EPHA6: variants seen among roughly 807,000 people sequenced by gnomAD.
EPHA6 encodes ephrin type-A receptor 6.
A neutral mutation model predicts 112.0 loss-of-function variants in EPHA6; 50 were observed. That is an observed-to-expected ratio of 0.45 (90% CI 0.36 to 0.56). EPHA6 has a LOEUF of 0.56. Ranked by LOEUF, EPHA6 falls within the 20% of genes least tolerant of loss-of-function variation. The pLI is 0.00. For missense variants in EPHA6, 1,280 were observed against 1,417.4 expected (o/e 0.90, Z 1.56); for synonymous variants, 529 against 490.7 (o/e 1.08, Z -1.03).
At chr3:97,111,474 C>T (rs1005736961) in intron 3 of EPHA6, among the ~76,000 whole-genome samples, 4 of 151,888 alleles carry the variant, frequency 2.6e-5, no homozygotes, top group Non-Finnish European at 5.9e-5. Flanking sequence ...ATATCTAATG[C>T]ATATTTTCAT....
At chr3:97,122,604 A>G (rs1035427324) in intron 3 of EPHA6, among the ~76,000 whole-genome samples, 7 of 152,082 alleles carry the variant, frequency 4.6e-5, no homozygotes, top group Admixed American at 6.6e-5. Flanking sequence ...GATTCATTCC[A>G]AGCTTGTACG....
At chr3:97,624,496 G>C (rs956525277) in intron 13 of EPHA6, among the ~76,000 whole-genome samples, 1 of 151,606 alleles carries the variant, frequency 6.6e-6, no homozygotes, top group African/African-American at 2.4e-5. Flanking sequence ...AAGGGATATT[G>C]GTCTATAGTA....
At chr3:97,518,248 T>C (rs754717306) in intron 10 of EPHA6, among the ~76,000 whole-genome samples, 2 of 152,150 alleles carry the variant, frequency 1.3e-5, no homozygotes, top group Non-Finnish European at 2.9e-5. Flanking sequence ...CTCATGAACA[T>C]TTGTTATCTT....
chr3:97,141,720 A>G (rs1279492388), intron 3 of EPHA6, among the ~76,000 whole-genome samples: 1 of 151,654 alleles, frequency 6.6e-6, no homozygotes, highest in Non-Finnish European at 1.5e-5. Flanking sequence ...GCCTACATCA[A>G]AAAAAATACA....
intron 5 of EPHA6, among the ~76,000 whole-genome samples, chr3:97,372,491 A>G (rs2085112609): frequency 6.6e-6 from 1 of 152,196 alleles, no homozygotes; most frequent in African/African-American, 2.4e-5. Flanking sequence ...AGAAATGGTC[A>G]AGGCAGTATT....
chr3:97,746,939 A>T (rs1414085401), intron 16 of EPHA6, among the ~76,000 whole-genome samples: 1 of 151,976 alleles, frequency 6.6e-6, no homozygotes. Context: ...ATTCACCATA[A>T]GAAGGAGAAG....
intron 2 of EPHA6, among the ~76,000 whole-genome samples, chr3:96,881,772 C>A (rs1272958587): frequency 2.0e-5 from 3 of 152,200 alleles, no homozygotes; most frequent in Non-Finnish European, 4.4e-5. Flanking sequence ...AAGTTAATTA[C>A]TTCCTGGGTA....
chr3:97,015,461 C>T (rs2044233097), intron 3 of EPHA6, among the ~76,000 whole-genome samples: 1 of 152,026 alleles, frequency 6.6e-6, no homozygotes, highest in South Asian at 2.1e-4. Context: ...GAGGGTCTGT[C>T]TGGACTGTCT....
intron 6 of EPHA6, among the ~76,000 whole-genome samples, chr3:97,435,120 A>C (rs1454235889): frequency 1.3e-5 from 2 of 152,080 alleles, no homozygotes; most frequent in African/African-American, 4.8e-5. Context: ...TCAGTCATAT[A>C]CTAGATCAGA....
intron 11 of EPHA6, among the ~76,000 whole-genome samples, chr3:97,583,909 A>G (rs553453573): frequency 1.3e-5 from 2 of 152,276 alleles, no homozygotes; most frequent in East Asian, 1.9e-4. Flanking sequence ...TTGGAAGGAC[A>G]TGTTTTTTCA....
In EPHA6 at chr3:97,291,103, T is replaced by A. The variant is rs562796686; in HGVS notation, c.1606+46816T>A. Among the ~76,000 whole-genome samples, 65 of 152,296 alleles carry A rather than the reference T, an allele frequency of 4.3e-4. No homozygotes were observed. In the East Asian group the frequency reaches 7.5e-3, roughly 18 times the overall value. Reference sequence around the variant, plus strand: ...TCATTTGTTTCGAGATGCTTTTTTTTAAATTTCTTTCCTCATTTCATTATT... The same window carrying A: ...TCATTTGTTTCGAGATGCTTTTTTTAAAATTTCTTTCCTCATTTCATTATT... On this transcript the variant is annotated intron_variant, in intron 5 of 17. Transcript: ENST00000389672.
intron 3 of EPHA6, among the ~76,000 whole-genome samples, chr3:97,164,063 T>C (rs2076480454): frequency 6.6e-6 from 1 of 152,190 alleles, no homozygotes; most frequent in African/African-American, 2.4e-5. Flanking sequence ...AGCTTTTCTT[T>C]CTCCACTTCT....
At chr3:97,629,009 C>T (rs918321155) in intron 13 of EPHA6, among the ~76,000 whole-genome samples, 10 of 151,818 alleles carry the variant, frequency 6.6e-5, no homozygotes, top group African/African-American at 1.9e-4. Context: ...TATAGTTCAC[C>T]GCAACCTCAA....
intron 5 of EPHA6, among the ~76,000 whole-genome samples, chr3:97,346,298 A>G (rs1474805863): frequency 6.6e-6 from 1 of 152,202 alleles, no homozygotes; most frequent in African/African-American, 2.4e-5. Flanking sequence ...ACTGAAGAAA[A>G]TAGGTACAGA....
At chr3:96,958,731 A>G (rs2107743954) in intron 2 of EPHA6, among the ~76,000 whole-genome samples, 1 of 152,308 alleles carries the variant, frequency 6.6e-6, no homozygotes, top group African/African-American at 2.4e-5. Flanking sequence ...CATGCAATAT[A>G]TGTGGTCTTT....
chr3:96,888,194 T>C (rs2037745910), intron 2 of EPHA6, among the ~76,000 whole-genome samples: 1 of 152,134 alleles, frequency 6.6e-6, no homozygotes, highest in African/African-American at 2.4e-5. Context: ...TCCTCTCCCA[T>C]TGAATCCCTG....
intron 2 of EPHA6, among the ~76,000 whole-genome samples, chr3:96,881,994 G>A (rs185804156): frequency 7.4e-4 from 112 of 152,288 alleles, no homozygotes; most frequent in Non-Finnish European, 1.1e-3. Flanking sequence ...TGGCTTTGCG[G>A]GGTACAGCCT....
At chr3:97,745,879 C>T (rs1262503117) in intron 16 of EPHA6, among the ~76,000 whole-genome samples, 1 of 151,658 alleles carries the variant, frequency 6.6e-6, no homozygotes, top group Admixed American at 6.6e-5. Context: ...TAAGTATTAA[C>T]CTTAGGACCT....
rs182238090 is a variant in EPHA6, at chr3:97,210,085, T to A, written c.1115-16179T>A. 3.1e-3 allele frequency among the ~76,000 whole-genome samples: 479 copies of A among 152,328 alleles called. 3 individuals carry two copies. Among genetic ancestry groups the A allele is most frequent in the African/African-American group, 0.01 (436 of 41,584 alleles). ...TAAAACAATTAGCTAAAACTGTATA[T>A]GCCAATTAAATCTTACTAAAGACTG... is the stretch of plus-strand genomic sequence containing the variant. On this transcript the variant is annotated intron_variant, in intron 3 of 17. Coordinates refer to ENST00000389672, the MANE Select transcript of EPHA6 (RefSeq NM_001080448.3).
Sources: gnomAD v4.1 joint callset for allele counts (sites outside exome capture counted in the v4.1 genomes callset) on GRCh38, gnomAD v4.1.1 for gene constraint, MANE v1.5 for transcripts, NCBI Gene and HGNC (gene_info 2026-07-23, HGNC 2026-07-21) for gene names.